Variants in RBFOX1 observed in about 807,000 individuals in gnomAD.
RBFOX1 encodes RNA binding protein fox-1 homolog 1.
A neutral mutation model predicts 57.7 loss-of-function variants in RBFOX1; 8 were observed. That is an observed-to-expected ratio of 0.14 (90% confidence interval 0.08 to 0.25). RBFOX1 has a LOEUF of 0.25. Among genes scored for constraint, RBFOX1 ranks in the 10% least tolerant of loss-of-function variants. RBFOX1 has a pLI of 1.00. For missense variants in RBFOX1, 611 were observed against 548.5 expected (o/e 1.11, Z -1.14); for synonymous variants, 326 against 222.4 (o/e 1.47, Z -4.15).
At chr16:6,963,377 T>C (rs577338383) in intron 3 of RBFOX1, among the ~76,000 whole-genome samples, 10 of 152,066 alleles carry the variant, frequency 6.6e-5, no homozygotes, top group African/African-American at 2.4e-4. Context: ...ATTTTTAGAA[T>C]TAAAACACAC....
chr16:5,712,889 G>C (rs1299909727), intron 3 of RBFOX1, among the ~76,000 whole-genome samples: 1 of 152,180 alleles, frequency 6.6e-6, no homozygotes, highest in African/African-American at 2.4e-5. Context: ...AGTTCACTCT[G>C]TTTTTAAATA....
rs1048906496 is a variant in RBFOX1 at position 5,377,670 on chromosome 16, G to T, written c.220-89546G>T. On this transcript the variant is annotated intron_variant, in intron 1 of 2. Transcript: ENST00000585867. The stretch of plus-strand genomic sequence containing the variant: ...AGAGAAGGCGGAGGCAGAGACGGAA[G>T]TTGAATGCGGACCTAGAGGTCCCAG... Among the ~76,000 whole-genome samples, 8 of 151,368 alleles carry T rather than the reference G, an allele frequency of 5.3e-5. 1 individual carries two copies. The highest frequency in any genetic ancestry group is 3.3e-4 in the Admixed American group (5 of 15,252).
chr16:7,200,832 C>G (rs2088194919), intron 4 of RBFOX1, among the ~76,000 whole-genome samples: 1 of 152,144 alleles, frequency 6.6e-6, no homozygotes, highest in South Asian at 2.1e-4. Context: ...CCCTTTCATG[C>G]TTTCTCCGCG....
At chr16:5,903,736 C>A (rs1597717297) in intron 4 of RBFOX1, among the ~76,000 whole-genome samples, 1 of 152,132 alleles carries the variant, frequency 6.6e-6, no homozygotes, top group African/African-American at 2.4e-5. Context: ...CTCCTCCTCC[C>A]ACCCCACAAA....
chr16:7,355,937 G>A (rs1418193941), intron 4 of RBFOX1, among the ~76,000 whole-genome samples: 1 of 152,206 alleles, frequency 6.6e-6, no homozygotes, highest in Non-Finnish European at 1.5e-5. Context: ...TGAGGTCAAG[G>A]CCAAAAACCA....
intron 3 of RBFOX1, among the ~76,000 whole-genome samples, chr16:5,612,373 T>C (rs2047855250): frequency 1.4e-5 from 2 of 146,724 alleles, no homozygotes; most frequent in Non-Finnish European, 1.5e-5. Flanking sequence ...GAAGCCACCA[T>C]GTGCCAGGTC....
chr16:6,932,149 C>G (rs935764127), intron 3 of RBFOX1, among the ~76,000 whole-genome samples: 1 of 152,130 alleles, frequency 6.6e-6, no homozygotes, highest in Non-Finnish European at 1.5e-5. Flanking sequence ...TGTCACCCAG[C>G]CTGGAGTGCA....
intron 2 of RBFOX1, among the ~76,000 whole-genome samples, chr16:6,322,336 T>C (rs932116255): frequency 2.0e-5 from 3 of 152,208 alleles, no homozygotes; most frequent in Non-Finnish European, 4.4e-5. Context: ...CTTTTCTCCA[T>C]GAATCCCTCA....
chr16:7,441,105 A>T (rs2098762626), intron 4 of RBFOX1, among the ~76,000 whole-genome samples: 1 of 152,170 alleles, frequency 6.6e-6, no homozygotes, highest in South Asian at 2.1e-4. Flanking sequence ...AGAGAAATGG[A>T]ACAAGTGACC....
At chr16:6,702,015 C>T (rs952641481) in intron 3 of RBFOX1, among the ~76,000 whole-genome samples, 2 of 152,044 alleles carry the variant, frequency 1.3e-5, no homozygotes, top group Non-Finnish European at 2.9e-5. Context: ...ACCTGGGTGA[C>T]AAAATAATCT....
intron 1 of RBFOX1, among the ~76,000 whole-genome samples, chr16:6,032,552 A>C (rs2035591): frequency 3.9e-5 from 6 of 152,070 alleles, no homozygotes; most frequent in African/African-American, 1.4e-4. Context: ...TTGGGAGACT[A>C]TGGATGTGCC....
At chr16:7,042,004 T>G (rs1172581994) in intron 3 of RBFOX1, among the ~76,000 whole-genome samples, 2 of 152,176 alleles carry the variant, frequency 1.3e-5, no homozygotes, top group African/African-American at 4.8e-5. Context: ...CTGGACTTCC[T>G]TAGTCTGATT....
At chr16:7,144,291 T>C (rs776404861) in intron 4 of RBFOX1, among the ~76,000 whole-genome samples, 2 of 152,142 alleles carry the variant, frequency 1.3e-5, no homozygotes, top group African/African-American at 2.4e-5. Context: ...GGAATTGATA[T>C]ATGCACAAAG....
intron 1 of RBFOX1, among the ~76,000 whole-genome samples, chr16:5,255,296 C>CCGCCTGCTCATG (rs2062556446): frequency 6.6e-6 from 1 of 150,658 alleles, no homozygotes; most frequent in South Asian, 2.1e-4. Context: ...ACCTGCTCAT[C>CCGCCTGCTCATG]TGTCCGCCTA....
At chr16:6,846,701 T>C in intron 3 of RBFOX1, among the ~76,000 whole-genome samples, 1 of 152,174 alleles carries the variant, frequency 6.6e-6, no homozygotes, top group East Asian at 1.9e-4. Context: ...CGTTCGCCAG[T>C]ATCCGGGAGA....
At chr16:6,608,646 G>A (rs753534674) in intron 2 of RBFOX1, among the ~76,000 whole-genome samples, 21 of 152,136 alleles carry the variant, frequency 1.4e-4, no homozygotes, top group African/African-American at 3.4e-4. Context: ...TAGTCATGGC[G>A]GCACATGCCT....
Position 7,062,645 on chromosome 16 carries a change from G to A in RBFOX1, c.27+10547G>A, listed in dbSNP as rs78336229. On this transcript the variant is annotated intron_variant, in intron 4 of 15. Coordinates refer to ENST00000550418, the MANE Select transcript of RBFOX1 (RefSeq NM_018723.4). ...AACAGATGTGGATATGGCCAAGGCA[G>A]GACAGTTGAATTCTTTCTCCTGAGA... 5.0e-3 allele frequency among the ~76,000 whole-genome samples: 765 copies of A among 152,248 alleles called. 4 individuals are homozygous for A. The highest frequency in any genetic ancestry group is 0.027 in the Middle Eastern group (8 of 294).
intron 1 of RBFOX1, among the ~76,000 whole-genome samples, chr16:6,239,485 C>CTTTTTT (rs59244306): frequency 4.4e-5 from 3 of 67,776 alleles, no homozygotes; most frequent in African/African-American, 5.6e-5. Context: ...CCAACTGACT[C>CTTTTTT]TTTTTTTTTT....
intron 2 of RBFOX1, among the ~76,000 whole-genome samples, chr16:6,647,319 C>T (rs76343702): frequency 0.029 from 4,475 of 152,216 alleles, 195 homozygotes; most frequent in Admixed American, 0.087. Context: ...TCTCAGGGCT[C>T]GCTGCAACTT....
Sources: allele counts gnomAD v4.1 joint callset (sites outside exome capture counted in the v4.1 genomes callset), GRCh38; gene constraint gnomAD v4.1.1; transcripts MANE v1.5; gene names NCBI Gene and HGNC (gene_info 2026-07-23, HGNC 2026-07-21).